ALPK2: variants seen among roughly 807,000 people sequenced by gnomAD.
ALPK2 encodes the protein alpha kinase 2, also known as alpha-protein kinase 2.
In ALPK2, 127 loss-of-function variants were observed where a neutral mutation model predicts 163.1. The observed-to-expected ratio is 0.78, with a 90% CI of 0.67 to 0.90. The LOEUF (loss-of-function observed/expected upper bound fraction) is 0.90. Among genes scored for constraint, ALPK2 ranks in the 40% least tolerant of loss-of-function variants. The pLI, the probability that ALPK2 is intolerant of heterozygous loss-of-function variation, is 0.00. For missense variants in ALPK2, 2,360 were observed against 2,589.6 expected (o/e 0.91, Z 1.92); for synonymous variants, 953 against 959.1 (o/e 0.99, Z 0.12).
intron 4 of ALPK2, among the ~76,000 whole-genome samples, chr18:58,560,509 T>C (rs1602218873): frequency 6.6e-6 from 1 of 152,324 alleles, no homozygotes; most frequent in Non-Finnish European, 1.5e-5. Flanking sequence ...CAAATCCTTC[T>C]CTGACCGATG....
chr18:58,580,199 C>G lies in ALPK2; in HGVS notation c.577G>C (p.Val193Leu). Reference protein sequence around the residue: ...SVSSSENPLGVKGTRHTGEAY... With the variant: ...SVSSSENPLGLKGTRHTGEAY... ...TCTCCAGTGTGCCTTGTTCCTTTAA[C>G]ACCCAAAGGATTTTCAGAACTGGAC... is the stretch of plus-strand genomic sequence containing the variant. Residue 193 changes from valine to leucine, a missense_variant, in exon 4 of 13, where the codon GTT (valine) becomes CTT (leucine). Transcript: ENST00000361673. The G allele has an allele frequency of 6.2e-7, 1 of 1,614,206 alleles. No individual in the cohort carries two copies. The highest frequency in any genetic ancestry group is 1.6e-4 in the Middle Eastern group (1 of 6,062).
At chr18:58,589,311 T>C (rs1013530590) in intron 3 of ALPK2, among the ~76,000 whole-genome samples, 17 of 152,202 alleles carry the variant, frequency 1.1e-4, no homozygotes, top group Non-Finnish European at 5.9e-5. Flanking sequence ...TACATGGGCC[T>C]ATGTAATTTA....
chr18:58,543,235 G>A (rs2051700148), intron 4 of ALPK2: 2 of 517,272 alleles, frequency 3.9e-6, no homozygotes, highest in Non-Finnish European at 5.0e-6. Context: ...CAGGCCCTCT[G>A]CCTGGGACTT....
At chr18:58,585,291 C>T (rs2051979795) in intron 3 of ALPK2, among the ~76,000 whole-genome samples, 1 of 152,168 alleles carries the variant, frequency 6.6e-6, no homozygotes, top group Admixed American at 6.5e-5. Context: ...CTATTTAGTT[C>T]ATTTTAAAAT....
intron 12 of ALPK2, among the ~76,000 whole-genome samples, chr18:58,484,310 A>T (rs1270199660): frequency 6.6e-6 from 1 of 152,208 alleles, no homozygotes; most frequent in Non-Finnish European, 1.5e-5. Flanking sequence ...ACTGTGCTTG[A>T]GGCTACGGAT....
intron 4 of ALPK2, among the ~76,000 whole-genome samples, chr18:58,570,055 A>G (rs9964118): frequency 0.15 from 23,363 of 150,914 alleles, 2,072 homozygotes; most frequent in African/African-American, 0.24. Context: ...GCTTGAACCC[A>G]GGAGGCGGAG....
chr18:58,570,425 T>C (rs942511875), intron 4 of ALPK2, among the ~76,000 whole-genome samples: 2 of 152,246 alleles, frequency 1.3e-5, no homozygotes, highest in Admixed American at 1.3e-4. Context: ...CTGCATACTC[T>C]GCCTGTACCA....
At position 58,580,500 on chromosome 18, in the gene ALPK2, A is replaced by C. The variant is rs1291477694; in HGVS notation, c.276T>G (p.Ser92=). The C allele has an allele frequency of 1.2e-6, 2 of 1,614,126 alleles. No individual in the cohort carries two copies. Among genetic ancestry groups the C allele is most frequent in the South Asian group, 2.2e-5 (2 of 91,060 alleles). ...AAGCAGAACAACAGATCATTCCAAAAGAGTTTTTAGCCGAGATTTGATAGA... is the reference window on the plus strand; with the variant it reads ...AAGCAGAACAACAGATCATTCCAAACGAGTTTTTAGCCGAGATTTGATAGA... The part of the protein sequence containing the change: ...AAVYQISAKN[S]FGMICCSASV... Residue 92 remains serine (S), a synonymous_variant, in exon 4 of 13, where the codon TCT becomes TCG. Transcript: ENST00000361673.
intron 1 of ALPK2, among the ~76,000 whole-genome samples, chr18:58,619,520 C>T (rs975357171): frequency 1.3e-5 from 2 of 152,144 alleles, no homozygotes; most frequent in African/African-American, 4.8e-5. Flanking sequence ...CCGTTTGCCC[C>T]GAGAATACTG....
At chr18:58,563,818 C>G (rs1465692755) in intron 4 of ALPK2, among the ~76,000 whole-genome samples, 1 of 152,212 alleles carries the variant, frequency 6.6e-6, no homozygotes, top group Non-Finnish European at 1.5e-5. Flanking sequence ...TGAAAAGACT[C>G]TTGTCCCGAT....
intron 4 of ALPK2, among the ~76,000 whole-genome samples, chr18:58,541,309 T>C (rs1421648755): frequency 6.6e-6 from 1 of 152,142 alleles, no homozygotes; most frequent in Non-Finnish European, 1.5e-5. Flanking sequence ...GCCGCACACT[T>C]TTAAACAACC....
rs2051942651 is a variant in ALPK2, at chr18:58,579,412, G to A, written c.1364C>T (p.Pro455Leu). The change falls in exon 4 of 13, where the codon CCC (proline) becomes CTC (leucine). Residue 455 changes from proline to leucine, a missense_variant. Transcript: ENST00000361673. The stretch of plus-strand genomic sequence containing the variant: ...TGGATAATCATTTTCAGCAGCCTCG[G>A]GAGCAGTGGGGAGTTTATATCTCCC... ...EQGRYKLPTAPEAAENDYPGI... is the reference protein window; with the variant it reads ...EQGRYKLPTALEAAENDYPGI... The A allele has an allele frequency of 6.2e-7, 1 of 1,613,988 alleles. No individual in the cohort carries two copies. Among genetic ancestry groups the A allele is most frequent in the Admixed American group, 1.7e-5 (1 of 59,986 alleles).
At chr18:58,576,169 T>A (rs2051920832) in intron 4 of ALPK2, among the ~76,000 whole-genome samples, 1 of 151,904 alleles carries the variant, frequency 6.6e-6, no homozygotes, top group South Asian at 2.1e-4. Context: ...AGGTCAGGAG[T>A]TCGAGACCAG....
intron 4 of ALPK2, among the ~76,000 whole-genome samples, chr18:58,553,600 G>A (rs1442018431): frequency 2.0e-5 from 3 of 152,188 alleles, no homozygotes; most frequent in East Asian, 1.9e-4. Context: ...CAATGGGGGC[G>A]GTTTCTCCCA....
chr18:58,510,180 C>A (rs559283341), intron 10 of ALPK2, among the ~76,000 whole-genome samples: 1 of 152,130 alleles, frequency 6.6e-6, no homozygotes, highest in Non-Finnish European at 1.5e-5. Context: ...GGTTTGTCAA[C>A]GATCAGATAG....
intron 10 of ALPK2, among the ~76,000 whole-genome samples, chr18:58,510,497 T>C (rs988497802): frequency 2.0e-5 from 3 of 152,236 alleles, no homozygotes; most frequent in South Asian, 2.1e-4. Flanking sequence ...TTTCATGATA[T>C]TGATTCTTCC....
chr18:58,621,595 GAA>G (rs2052200731), intron 1 of ALPK2, among the ~76,000 whole-genome samples: 1 of 113,118 alleles, frequency 8.8e-6, no homozygotes, highest in Non-Finnish European at 2.3e-5. Context: ...TATGGGCAAA[GAA>G]GAAGGAGGAG....
chr18:58,613,432 C>A (rs1279205424), intron 1 of ALPK2, among the ~76,000 whole-genome samples: 5 of 152,146 alleles, frequency 3.3e-5, no homozygotes, highest in Admixed American at 6.5e-5. Context: ...TGGTGGCTCA[C>A]GCCTCTCATC....
At chr18:58,558,971 T>C (rs530082495) in intron 4 of ALPK2, among the ~76,000 whole-genome samples, 2 of 152,310 alleles carry the variant, frequency 1.3e-5, no homozygotes, top group African/African-American at 4.8e-5. Context: ...TTCTTTCAGG[T>C]ATAATGAAAG....
Sources: gnomAD v4.1 joint callset for allele counts (sites outside exome capture counted in the v4.1 genomes callset) on GRCh38, gnomAD v4.1.1 for gene constraint, MANE v1.5 for transcripts, NCBI Gene and HGNC (gene_info 2026-07-23, HGNC 2026-07-21) for gene names.